Variants in RSRC1 observed in about 807,000 individuals in gnomAD.
RSRC1 encodes the protein arginine and serine rich coiled-coil 1, also known as serine/Arginine-related protein 53.
Under a neutral mutation model 49.1 loss-of-function variants are expected in RSRC1, and 39 were observed. The ratio of observed to expected loss-of-function variants is 0.79; its 90% CI spans 0.61 to 1.04. RSRC1 has a LOEUF of 1.04. Among genes scored for constraint, RSRC1 ranks in the 50% least tolerant of loss-of-function variants. The probability of loss-of-function intolerance (pLI) is 0.00; values close to 1 mark genes in which losing one functional copy is unlikely to be tolerated. For missense variants in RSRC1, 388 were observed against 402.4 expected (o/e 0.96, Z 0.31); for synonymous variants, 143 against 130.8 (o/e 1.09, Z -0.63).
chr3:158,344,186 G>T, intron 5 of RSRC1, among the ~76,000 whole-genome samples: 1 of 152,160 alleles, frequency 6.6e-6, no homozygotes, highest in African/African-American at 2.4e-5. Context: ...TTGAACCCAG[G>T]AGGCTGAGGT....
At chr3:158,293,554 T>C (rs1482378561) in intron 4 of RSRC1, among the ~76,000 whole-genome samples, 1 of 152,044 alleles carries the variant, frequency 6.6e-6, no homozygotes, top group Non-Finnish European at 1.5e-5. Flanking sequence ...GGGTGAACTT[T>C]CTCTAGTTTT....
intron 6 of RSRC1, among the ~76,000 whole-genome samples, chr3:158,394,858 G>A (rs191702037): frequency 1.4e-4 from 21 of 151,930 alleles, no homozygotes; most frequent in African/African-American, 3.9e-4. Flanking sequence ...ATATGGAACC[G>A]AAAAAGAGCC....
At chr3:158,388,462 C>T (rs1397812517) in intron 6 of RSRC1, among the ~76,000 whole-genome samples, 1 of 151,964 alleles carries the variant, frequency 6.6e-6, no homozygotes, top group East Asian at 1.9e-4. Flanking sequence ...CCATTTTAAA[C>T]ATGAGGAAAT....
At chr3:158,537,847 T>C (rs1056880808) in intron 8 of RSRC1, among the ~76,000 whole-genome samples, 3 of 151,798 alleles carry the variant, frequency 2.0e-5, no homozygotes, top group African/African-American at 7.2e-5. Context: ...CCATAAATTG[T>C]ATTAATGGCT....
chr3:158,368,983 T>G (rs768996691), intron 6 of RSRC1, among the ~76,000 whole-genome samples: 1 of 152,112 alleles, frequency 6.6e-6, no homozygotes, highest in Non-Finnish European at 1.5e-5. Context: ...ATAGCCTTTA[T>G]GCATTTTATA....
chr3:158,470,598 A>G (rs1738094872), intron 7 of RSRC1, among the ~76,000 whole-genome samples: 1 of 152,142 alleles, frequency 6.6e-6, no homozygotes, highest in Non-Finnish European at 1.5e-5. Context: ...AAATTAAGAA[A>G]TTGAATGGAG....
At chr3:158,472,233 A>G (rs866289915) in intron 7 of RSRC1, among the ~76,000 whole-genome samples, 19 of 152,228 alleles carry the variant, frequency 1.2e-4, no homozygotes, top group South Asian at 4.1e-4. Context: ...CAGAAGTGCT[A>G]CTGAACAACA....
intron 3 of RSRC1, among the ~76,000 whole-genome samples, chr3:158,172,122 AAG>A (rs573600955): frequency 5.9e-5 from 9 of 152,150 alleles, no homozygotes; most frequent in South Asian, 2.1e-4. Flanking sequence ...AGAACAAGAA[AAG>A]AGAGAGAATT....
chr3:158,466,398 A>T (rs1160379804), intron 7 of RSRC1, among the ~76,000 whole-genome samples: 1 of 152,296 alleles, frequency 6.6e-6, no homozygotes, highest in East Asian at 1.9e-4. Context: ...TACTGATTTA[A>T]ATATATTCTG....
At chr3:158,240,282 T>A (rs827170) in intron 4 of RSRC1, among the ~76,000 whole-genome samples, 104,989 of 151,956 alleles carry the variant, frequency 0.69, 36,703 homozygotes, top group East Asian at 0.84. Context: ...TTTTTGGTAG[T>A]TAACCTTTCC....
chr3:158,336,284 GT>G, intron 5 of RSRC1: 1 of 152,492 alleles, frequency 6.6e-6, no homozygotes. Flanking sequence ...TGGCAGCATT[GT>G]TTTTGGTTTT....
intron 3 of RSRC1, among the ~76,000 whole-genome samples, chr3:158,130,577 A>T (rs913083989): frequency 1.3e-5 from 2 of 152,170 alleles, no homozygotes; most frequent in African/African-American, 4.8e-5. Context: ...TTTATGTTTC[A>T]TGTATACCTT....
At chr3:158,209,321 G>A (rs1029998511) in intron 4 of RSRC1, among the ~76,000 whole-genome samples, 8 of 152,054 alleles carry the variant, frequency 5.3e-5, no homozygotes, top group African/African-American at 1.9e-4. Flanking sequence ...CCCCTCCTAC[G>A]TGCTCTTTGC....
chr3:158,478,549 A>ATCC (rs5853827), intron 7 of RSRC1, among the ~76,000 whole-genome samples: 45,795 of 151,686 alleles, frequency 0.3, 7,074 homozygotes, highest in South Asian at 0.42. Flanking sequence ...TTGTTTCAAC[A>ATCC]TCCATCTTTA....
chr3:158,489,767 G>T (rs896199376), intron 7 of RSRC1, among the ~76,000 whole-genome samples: 1 of 151,998 alleles, frequency 6.6e-6, no homozygotes, highest in African/African-American at 2.4e-5. Context: ...TGAATACATT[G>T]TTGTAGCTTT....
chr3:158,461,599 C>T (rs1405097254), intron 7 of RSRC1, among the ~76,000 whole-genome samples: 2 of 151,596 alleles, frequency 1.3e-5, no homozygotes, highest in African/African-American at 4.8e-5. Context: ...AAAATTTTGC[C>T]TTTTTTTCTT....
intron 5 of RSRC1, among the ~76,000 whole-genome samples, chr3:158,300,412 T>C (rs1727477962): frequency 3.9e-5 from 6 of 152,234 alleles, no homozygotes; most frequent in Admixed American, 1.3e-4. Flanking sequence ...AAGTCAGTGA[T>C]ATTATGAAGA....
intron 3 of RSRC1, among the ~76,000 whole-genome samples, chr3:158,201,295 C>T (rs1409386712): frequency 6.6e-6 from 1 of 151,808 alleles, no homozygotes; most frequent in East Asian, 1.9e-4. Context: ...TTCTCTTTAC[C>T]TTTAGTTTTT....
chr3:158,488,119 C>T (rs920256500), intron 7 of RSRC1, among the ~76,000 whole-genome samples: 4 of 152,012 alleles, frequency 2.6e-5, no homozygotes, highest in Non-Finnish European at 4.4e-5. Context: ...CCTTAAGTGG[C>T]AGTCACAAGA....
Sources: gnomAD v4.1 joint callset for allele counts (sites outside exome capture counted in the v4.1 genomes callset) on GRCh38, gnomAD v4.1.1 for gene constraint, MANE v1.5 for transcripts, NCBI Gene and HGNC (gene_info 2026-07-23, HGNC 2026-07-21) for gene names.